SEMA6D: variants seen among roughly 807,000 people sequenced by gnomAD.
SEMA6D encodes semaphorin-6D.
SEMA6D carries 35 observed loss-of-function variants against 106.6 expected under a neutral mutation model. That is an observed-to-expected ratio of 0.33 (90% CI 0.25 to 0.44). The LOEUF is 0.44. SEMA6D is among the 20% of genes least tolerant of loss of function. The probability of loss-of-function intolerance (pLI) is 1.00; values close to 1 mark genes in which losing one functional copy is unlikely to be tolerated. For missense variants in SEMA6D, 1,185 were observed against 1,345.9 expected (o/e 0.88, Z 1.87); for synonymous variants, 499 against 487.7 (o/e 1.02, Z -0.31).
chr15:47,261,086 G>A (rs2034054379), intron 1 of SEMA6D, among the ~76,000 whole-genome samples: 1 of 152,172 alleles, frequency 6.6e-6, no homozygotes, highest in Admixed American at 6.5e-5. Context: ...ATTGTACACA[G>A]CAATGAGGAA....
chr15:47,651,473 A>G (rs1211670096), intron 4 of SEMA6D, among the ~76,000 whole-genome samples: 1 of 152,182 alleles, frequency 6.6e-6, no homozygotes, highest in Non-Finnish European at 1.5e-5. Flanking sequence ...AGCTCCTATC[A>G]GTGGAAAATA....
intron 17 of SEMA6D, 36 bp from the exon 18 acceptor site, chr15:47,768,545 C>T (rs755571007): frequency 6.7e-7 from 1 of 1,497,900 alleles, no homozygotes; most frequent in Admixed American, 2.0e-5. Context: ...AATCTTGACA[C>T]TATCCATATT....
intron 2 of SEMA6D, among the ~76,000 whole-genome samples, chr15:47,440,245 A>T (rs1483891120): frequency 1.3e-5 from 2 of 152,098 alleles, no homozygotes. Flanking sequence ...GAGAGAACTC[A>T]AAAGATGGCT....
At position 47,774,037 on chromosome 15, in the gene SEMA6D, G is replaced by A. The variant is rs1038385474; in HGVS notation, c.*2252G>A. 6.6e-6 allele frequency: 1 copy of A among 152,584 alleles called. No homozygotes were observed. Among genetic ancestry groups the A allele is most frequent in the African/African-American group, 2.4e-5 (1 of 41,444 alleles). The allele number at this position is 152,584 out of a possible 1,614,324, so 9.5% of individuals were successfully genotyped here. On this transcript the variant is annotated 3_prime_UTR_variant, in exon 19 of 19. Transcript: ENST00000536845. ...ATCCATTTGTGCAAAGGTAAACGCAGATTGTATCTTTTTTAATGGTACGGC... is the reference window on the plus strand; with the variant it reads ...ATCCATTTGTGCAAAGGTAAACGCAAATTGTATCTTTTTTAATGGTACGGC...
chr15:47,680,029 T>C (rs2078321277), intron 4 of SEMA6D, among the ~76,000 whole-genome samples: 1 of 152,090 alleles, frequency 6.6e-6, no homozygotes, highest in African/African-American at 2.4e-5. Context: ...ATTGCCCCAC[T>C]TACCTGCATG....
intron 4 of SEMA6D, among the ~76,000 whole-genome samples, chr15:47,654,692 T>A (rs2077758086): frequency 6.6e-6 from 1 of 152,184 alleles, no homozygotes; most frequent in African/African-American, 2.4e-5. Context: ...ACCTAGTCAT[T>A]TAAAACTGTG....
At chr15:47,249,384 T>C (rs1029214777) in intron 1 of SEMA6D, among the ~76,000 whole-genome samples, 1 of 152,136 alleles carries the variant, frequency 6.6e-6, no homozygotes, top group African/African-American at 2.4e-5. Context: ...TCTGCAGGGC[T>C]CCGTGTTAGG....
chr15:47,259,614 G>A (rs781438689), intron 1 of SEMA6D, among the ~76,000 whole-genome samples: 36 of 151,612 alleles, frequency 2.4e-4, no homozygotes, highest in Non-Finnish European at 4.9e-4. Flanking sequence ...TTTGTTCTTT[G>A]TCTTAGAGTT....
chr15:47,231,852 C>G (rs1166934173), intron 1 of SEMA6D, among the ~76,000 whole-genome samples: 1 of 151,964 alleles, frequency 6.6e-6, no homozygotes, highest in Non-Finnish European at 1.5e-5. Context: ...ATAAAATTCA[C>G]ATAACATAAA....
At chr15:47,237,976 A>G (rs1296963354) in intron 1 of SEMA6D, among the ~76,000 whole-genome samples, 1 of 152,152 alleles carries the variant, frequency 6.6e-6, no homozygotes, top group Non-Finnish European at 1.5e-5. Context: ...GTCAGCGGTT[A>G]CAGGGAATTG....
intron 2 of SEMA6D, among the ~76,000 whole-genome samples, chr15:47,452,821 A>G (rs2042232187): frequency 6.6e-6 from 1 of 151,972 alleles, no homozygotes; most frequent in Non-Finnish European, 1.5e-5. Flanking sequence ...TCTTAATAAC[A>G]GATATTTCAA....
At chr15:47,704,730 C>T (rs1297666502) in intron 4 of SEMA6D, among the ~76,000 whole-genome samples, 1 of 151,382 alleles carries the variant, frequency 6.6e-6, no homozygotes, top group East Asian at 2.0e-4. Flanking sequence ...AAAAAAAAAT[C>T]TTGTCTTACT....
At chr15:47,385,352 T>C (rs1342757966) in intron 1 of SEMA6D, among the ~76,000 whole-genome samples, 2 of 152,184 alleles carry the variant, frequency 1.3e-5, no homozygotes, top group Non-Finnish European at 2.9e-5. Flanking sequence ...GACATTATGC[T>C]CTTTCATTGT....
chr15:47,724,450 A>C (rs2079612431), intron 1 of SEMA6D, among the ~76,000 whole-genome samples: 1 of 152,238 alleles, frequency 6.6e-6, no homozygotes, highest in Non-Finnish European at 1.5e-5. Flanking sequence ...ACACAGACTT[A>C]GGGAAATTGA....
chr15:47,628,997 C>T (rs2077249410), intron 4 of SEMA6D, among the ~76,000 whole-genome samples: 1 of 152,016 alleles, frequency 6.6e-6, no homozygotes, highest in Admixed American at 6.6e-5. Context: ...AAAGCCTGTC[C>T]TTCCTCCATT....
intron 2 of SEMA6D, among the ~76,000 whole-genome samples, chr15:47,416,173 A>G (rs973517288): frequency 2.0e-5 from 3 of 152,138 alleles, no homozygotes; most frequent in Non-Finnish European, 4.4e-5. Flanking sequence ...GTCCTCCCTA[A>G]TGATAACGAT....
Position 47,546,516 on chromosome 15 carries a change from G to A in SEMA6D, c.-86-54349G>A, listed in dbSNP as rs147602072. Among the ~76,000 whole-genome samples the A allele has an allele frequency of 9.9e-3, 1,511 of 152,118 alleles. 10 individuals carry two copies. The highest frequency in any genetic ancestry group is 0.021 in the Admixed American group (314 of 15,254). On this transcript the variant is annotated intron_variant, in intron 3 of 19. Coordinates refer to the SEMA6D transcript ENST00000558014. ...GTGCACTGTATCTCCAAGTATTTTG[G>A]AATAGAATTCTCTCTCAGTGCAAAA...
chr15:47,727,851 A>G lies in SEMA6D; in HGVS notation c.-55+10159A>G, dbSNP rs553778361. On this transcript the variant is annotated intron_variant, in intron 1 of 18. Transcript: ENST00000536845. ...AATCAAACTTCATGCTTCAGGGCAT[A>G]AGGTGATTGCCTGCTGCGGTCAGGA... is the stretch of plus-strand genomic sequence containing the variant. 2.8e-4 allele frequency among the ~76,000 whole-genome samples: 43 copies of G among 152,338 alleles called. No homozygotes were observed. The East Asian group carries it at 7.7e-3, about 27-fold the overall frequency.
intron 4 of SEMA6D, among the ~76,000 whole-genome samples, chr15:47,615,705 A>G (rs1388241804): frequency 6.6e-6 from 1 of 152,252 alleles, no homozygotes; most frequent in Non-Finnish European, 1.5e-5. Flanking sequence ...TGAGTATAAT[A>G]AAAGGAGAGA....
Sources: gnomAD v4.1 joint callset for allele counts (sites outside exome capture counted in the v4.1 genomes callset) on GRCh38, gnomAD v4.1.1 for gene constraint, MANE v1.5 for transcripts, NCBI Gene and HGNC (gene_info 2026-07-23, HGNC 2026-07-21) for gene names.